FUBP3: variants seen among roughly 807,000 people sequenced by gnomAD.
FUBP3 encodes far upstream element binding protein 3.
In FUBP3, 28 loss-of-function variants were observed where a neutral mutation model predicts 85.6. The observed-to-expected ratio is 0.33, with a 90% CI of 0.24 to 0.45. The LOEUF is 0.45. FUBP3 is among the 20% of genes least tolerant of loss of function. The probability of loss-of-function intolerance (pLI) is 1.00; values close to 1 mark genes in which losing one functional copy is unlikely to be tolerated. For synonymous variants in FUBP3, 271 were observed against 271.4 expected (o/e 1.00, Z 0.01); for missense variants, 583 against 755.1 (o/e 0.77, Z 2.67).
At chr9:130,604,864 C>T (rs1277841998) in intron 2 of FUBP3, among the ~76,000 whole-genome samples, 1 of 150,892 alleles carries the variant, frequency 6.6e-6, no homozygotes, top group Non-Finnish European at 1.5e-5. Context: ...TGCCACTGCA[C>T]TCCAGCCTGG....
chr9:130,596,336 C>T (rs1398616331), intron 2 of FUBP3, among the ~76,000 whole-genome samples: 1 of 151,950 alleles, frequency 6.6e-6, no homozygotes, highest in African/African-American at 2.4e-5. Flanking sequence ...CTTTTTCTGT[C>T]GCTATGTACC....
intron 2 of FUBP3, 150 bp from the exon 3 acceptor site, chr9:130,609,804 C>A: frequency 1.5e-6 from 1 of 662,430 alleles, no homozygotes. Context: ...TCATATAACG[C>A]ATTCATTTCA....
Position 130,612,558 on chromosome 9 carries a change from CTCT to C in FUBP3, c.274+55_274+57del. The stretch of plus-strand genomic sequence containing the variant: ...CCTGATTCCTGTCTCTTCTTTTTCT[CTCT>C]TTTTTTCTGAGCTGCTTTGCCAGGA... On this transcript the variant is annotated intron_variant, in intron 4 of 18. Transcript: ENST00000319725. The surrounding 1 kb of genome is among the most constrained non-coding windows in gnomAD (Gnocchi z 4.1). 1.8e-6 allele frequency: 2 copies of C among 1,105,992 alleles called. No individual in the cohort carries two copies. 68.5% of individuals were successfully genotyped at this position (1,105,992 alleles called of 1,614,324 possible). A position where few individuals can be genotyped will look rare whatever the true frequency, so the allele number is the denominator to read the frequency against.
rs534119840 is a variant in FUBP3, at chr9:130,634,084, C to T, written c.1511-583C>T. On this transcript the variant is annotated intron_variant, in intron 16 of 18. Coordinates refer to ENST00000319725, the MANE Select transcript of FUBP3 (RefSeq NM_003934.2). The stretch of plus-strand genomic sequence containing the variant: ...TGTTCCCCCATGCTGGCTGTTTCTC[C>T]GCGTCCCCCAGTCTTCACTGCCCAC... Among the ~76,000 whole-genome samples, 4 of 152,304 alleles carry T rather than the reference C, an allele frequency of 2.6e-5. No homozygotes were observed. In the South Asian group the frequency reaches 8.3e-4, roughly 32 times the overall value.
chr9:130,582,708 C>T (rs1830185379), intron 1 of FUBP3, among the ~76,000 whole-genome samples: 1 of 152,138 alleles, frequency 6.6e-6, no homozygotes, highest in Non-Finnish European at 1.5e-5. Flanking sequence ...ATGAGTAGAT[C>T]CAAGTCTGGT....
At chr9:130,636,296 T>A in intron 18 of FUBP3, 170 bp downstream of exon 18, 1 of 733,822 alleles carries the variant, frequency 1.4e-6, no homozygotes, top group Non-Finnish European at 2.4e-6. Flanking sequence ...CCAGCCCCTC[T>A]GTCCCTCCTC....
intron 2 of FUBP3, among the ~76,000 whole-genome samples, chr9:130,597,278 A>G (rs1211734409): frequency 1.3e-5 from 2 of 152,160 alleles, no homozygotes; most frequent in Non-Finnish European, 2.9e-5. Context: ...ATAGACCCAA[A>G]TAACACCTCC....
chr9:130,628,895 G>A (rs1034720891), intron 12 of FUBP3, among the ~76,000 whole-genome samples: 2 of 151,946 alleles, frequency 1.3e-5, no homozygotes, highest in Admixed American at 6.6e-5. Context: ...TCAGCCTCCC[G>A]AGTAGCTTGG....
intron 3 of FUBP3, 62 bp downstream of exon 3, chr9:130,610,049 T>C: frequency 1.6e-6 from 2 of 1,254,060 alleles, no homozygotes; most frequent in South Asian, 1.2e-5. Flanking sequence ...TGATCCACCA[T>C]CTGTACTAGA....
intron 1 of FUBP3, among the ~76,000 whole-genome samples, chr9:130,592,451 A>G (rs771505084): frequency 9.9e-5 from 15 of 152,180 alleles, no homozygotes; most frequent in Middle Eastern, 3.2e-3. Context: ...GGCTACAGTA[A>G]TATCTCCTAA....
intron 11 of FUBP3, 193 bp from the exon 12 acceptor site, chr9:130,626,171 C>A (rs1829963218): frequency 3.4e-6 from 2 of 589,824 alleles, no homozygotes; most frequent in African/African-American, 1.9e-5. Flanking sequence ...TGCACAGGTC[C>A]TCCCCAGATA....
At chr9:130,626,803 TG>T (rs373335241) in intron 12 of FUBP3, among the ~76,000 whole-genome samples, 5 of 152,170 alleles carry the variant, frequency 3.3e-5, no homozygotes, top group African/African-American at 1.2e-4. Context: ...TTGCGCAAGA[TG>T]GGGGGCATTT....
At chr9:130,613,599 C>G (rs1296078825) in intron 5 of FUBP3, among the ~76,000 whole-genome samples, 1 of 152,202 alleles carries the variant, frequency 6.6e-6, no homozygotes, top group Non-Finnish European at 1.5e-5. Context: ...AGCTTGACCT[C>G]TTTCCATTGC....
Position 130,637,247 on chromosome 9 carries a change from C to T in FUBP3, c.*225C>T. 1.8e-6 allele frequency: 1 copy of T among 560,648 alleles called. No individual in the cohort carries two copies. Among genetic ancestry groups the T allele is most frequent in the Non-Finnish European group, 3.2e-6 (1 of 311,800 alleles). The allele number at this position is 560,648 out of a possible 1,614,324, so 34.7% of individuals were successfully genotyped here. On this transcript the variant is annotated 3_prime_UTR_variant, in exon 19 of 19. Coordinates refer to ENST00000319725, the MANE Select transcript of FUBP3 (RefSeq NM_003934.2). Reference sequence around the variant, plus strand: ...ATTTTTGTTATTTCAAATGTATAAGCTCTGGGATTCTTTTTGGAGCAATAC... The same window carrying T: ...ATTTTTGTTATTTCAAATGTATAAGTTCTGGGATTCTTTTTGGAGCAATAC...
At position 130,613,046 on chromosome 9, in the gene FUBP3, T is replaced by C. The variant is rs759896114; in HGVS notation, c.346+19T>C. ...GCTTCAGGTAAGGGCTTTTTAAAAA[T>C]AGATATCAATTTTGTAGAAATCAGT... is the stretch of plus-strand genomic sequence containing the variant. On this transcript the variant is annotated intron_variant, in intron 5 of 18. Coordinates refer to ENST00000319725, the MANE Select transcript of FUBP3 (RefSeq NM_003934.2). 2.3e-5 allele frequency: 34 copies of C among 1,497,836 alleles called. No individual in the cohort carries two copies. The East Asian group carries it at 7.4e-4, about 33-fold the overall frequency. The allele number at this position is 1,497,836 out of a possible 1,614,324, so 92.8% of individuals were successfully genotyped here.
rs1176926583 is a variant in FUBP3, at chr9:130,620,372, C to T, written c.685C>T (p.Leu229=). Reference sequence around the variant, plus strand: ...TATGCAGCAAGCAAGAGAAATGGTACTAGAGATTATCCGAGAAAAAGACCA... The same window carrying T: ...TATGCAGCAAGCAAGAGAAATGGTATTAGAGATTATCCGAGAAAAAGACCA... ...FKVQQAREMV[L]EIIREKDQAD... Residue 229 remains leucine (L), a synonymous_variant, in exon 9 of 19, where the codon CTA becomes TTA. Transcript: ENST00000319725. 1.3e-6 allele frequency: 2 copies of T among 1,596,866 alleles called. No homozygotes were observed.
intron 2 of FUBP3, among the ~76,000 whole-genome samples, chr9:130,598,010 G>T (rs1467073667): frequency 3.3e-5 from 5 of 152,254 alleles, no homozygotes; most frequent in Non-Finnish European, 7.4e-5. Context: ...TCCCCAAAAG[G>T]TAGACATGGA....
intron 14 of FUBP3, 35 bp from the exon 15 acceptor site, chr9:130,631,907 G>A (rs1225396966): frequency 1.3e-6 from 2 of 1,485,052 alleles, no homozygotes; most frequent in Admixed American, 1.7e-5. Flanking sequence ...CTGTTGTGAG[G>A]CGCTCAGTCT....
intron 1 of FUBP3, among the ~76,000 whole-genome samples, chr9:130,590,809 T>G (rs1382620686): frequency 6.6e-6 from 1 of 152,144 alleles, no homozygotes; most frequent in Admixed American, 6.6e-5. Context: ...GGTCAGAGAA[T>G]TTTAGTCTTG....
Sources: gnomAD v4.1 joint callset for allele counts (sites outside exome capture counted in the v4.1 genomes callset) on GRCh38, gnomAD v4.1.1 for gene constraint, Gnocchi (gnomAD v3.1) non-coding constraint, MANE v1.5 for transcripts, NCBI Gene and HGNC (gene_info 2026-07-23, HGNC 2026-07-21) for gene names.